KIF13A: variants seen among roughly 807,000 people sequenced by gnomAD.
KIF13A encodes the protein kinesin family member 13A, also known as kinesin-like protein KIF13A.
KIF13A carries 79 observed loss-of-function variants against 212.2 expected under a neutral mutation model. That is an observed-to-expected ratio of 0.37 (90% confidence interval 0.31 to 0.45). The LOEUF is 0.45. KIF13A is among the 20% of genes least tolerant of loss of function. The pLI is 1.00. For synonymous variants in KIF13A, 789 were observed against 808.6 expected (o/e 0.98, Z 0.41); for missense variants, 1,901 against 2,209.0 (o/e 0.86, Z 2.79).
intron 29 of KIF13A, 36 bp from the exon 30 acceptor site, chr6:17,781,337 G>GA (rs767524245): frequency 2.6e-6 from 4 of 1,518,260 alleles, no homozygotes; most frequent in Non-Finnish European, 3.5e-6. Flanking sequence ...AACAGTAGGG[G>GA]AAAGTCAGTT....
chr6:17,876,910 C>T (rs1770612410), intron 3 of KIF13A, among the ~76,000 whole-genome samples: 2 of 152,170 alleles, frequency 1.3e-5, no homozygotes, highest in African/African-American at 2.4e-5. Flanking sequence ...GCTGGGATTA[C>T]AGGCATGAGC....
At chr6:17,949,357 C>T (rs995531647) in intron 2 of KIF13A, among the ~76,000 whole-genome samples, 2 of 152,154 alleles carry the variant, frequency 1.3e-5, no homozygotes, top group Admixed American at 6.5e-5. Context: ...CACAAAAGCC[C>T]TCCTGCTATG....
intron 2 of KIF13A, among the ~76,000 whole-genome samples, chr6:17,974,294 G>T (rs185172443): frequency 5.4e-4 from 82 of 152,248 alleles, no homozygotes; most frequent in African/African-American, 1.8e-3. Context: ...TGGCCAGGCT[G>T]GTCTGGAACT....
chr6:17,775,332 T>C (rs779649283), intron 34 of KIF13A, among the ~76,000 whole-genome samples: 12 of 152,226 alleles, frequency 7.9e-5, no homozygotes, highest in South Asian at 2.1e-4. Context: ...TCTTACTATA[T>C]ATGGTCTTAT....
chr6:17,789,453 G>A lies in KIF13A; in HGVS notation c.3261+419C>T, dbSNP rs1157252482. ...AGGAGCAGAATGCACTTTAGCATGG[G>A]AAAGATAAGAGTCTATCTAAAAGAT... is the stretch of plus-strand genomic sequence containing the variant. On this transcript the variant is annotated intron_variant, in intron 26 of 38. Transcript: ENST00000259711. This position sits in a 1 kb window ranked among gnomAD's most constrained non-coding sequence, Gnocchi z 4.8. Among the ~76,000 whole-genome samples, 1 of 152,120 alleles carries A rather than the reference G, an allele frequency of 6.6e-6. No individual in the cohort carries two copies. Among genetic ancestry groups the A allele is most frequent in the African/African-American group, 2.4e-5 (1 of 41,412 alleles).
At chr6:17,945,860 G>A (rs1360462122) in intron 2 of KIF13A, among the ~76,000 whole-genome samples, 10 of 152,116 alleles carry the variant, frequency 6.6e-5, no homozygotes, top group East Asian at 1.9e-4. Context: ...CAGAAGAGAC[G>A]GCCCTGAAAA....
chr6:17,852,485 C>A (rs1205656491), intron 6 of KIF13A, among the ~76,000 whole-genome samples: 1 of 152,118 alleles, frequency 6.6e-6, no homozygotes, highest in Non-Finnish European at 1.5e-5. Flanking sequence ...AGTAGCATGA[C>A]CCCGGCTTAC....
In KIF13A at chr6:17,937,003, T is replaced by A. The variant is rs146481268; in HGVS notation, c.147-38823A>T. Among the ~76,000 whole-genome samples, 406 of 152,184 alleles carry A rather than the reference T, an allele frequency of 2.7e-3. 3 individuals carry two copies. The highest frequency in any genetic ancestry group is 9.1e-3 in the African/African-American group (378 of 41,530). ...GACTAGCCTGGGCAAGTTGGCAAAA[T>A]CCTGTCTCCACAAAAAATACAAAAA... On this transcript the variant is annotated intron_variant, in intron 2 of 38. Coordinates refer to ENST00000259711, the MANE Select transcript of KIF13A (RefSeq NM_022113.6).
chr6:17,918,951 G>A lies in KIF13A; in HGVS notation c.147-20771C>T, dbSNP rs1774786474. Among the ~76,000 whole-genome samples the A allele has an allele frequency of 6.6e-6, 1 of 152,184 alleles. No individual in the cohort carries two copies. The highest frequency in any genetic ancestry group is 1.5e-5 in the Non-Finnish European group (1 of 68,032). On this transcript the variant is annotated intron_variant, in intron 2 of 38. Transcript: ENST00000259711. This position sits in a 1 kb window ranked among gnomAD's most constrained non-coding sequence, Gnocchi z 4.8. ...GACAGTTATAAGATCCACGGAAAGA[G>A]AGGCTTTGTCTATCTTGTTCTCTGA... is the stretch of plus-strand genomic sequence containing the variant.
At chr6:17,973,117 A>C (rs1425055366) in intron 2 of KIF13A, among the ~76,000 whole-genome samples, 2 of 152,214 alleles carry the variant, frequency 1.3e-5, no homozygotes, top group African/African-American at 4.8e-5. Context: ...AATCCTCAGA[A>C]ACAAAACACG....
rs151190387 is a variant in KIF13A at position 17,927,383 on chromosome 6, T to C, written c.147-29203A>G. The stretch of plus-strand genomic sequence containing the variant: ...CATGCTACAACATGGATGAACATTA[T>C]GCTAAGTGAAATAAGACAGACACAA... On this transcript the variant is annotated intron_variant, in intron 2 of 38. Transcript: ENST00000259711. Among the ~76,000 whole-genome samples, 156 of 152,286 alleles carry C rather than the reference T, an allele frequency of 1.0e-3. 2 individuals carry two copies. The East Asian group carries it at 0.026, about 25-fold the overall frequency.
intron 2 of KIF13A, among the ~76,000 whole-genome samples, chr6:17,931,622 G>C (rs1037261835): frequency 2.0e-5 from 3 of 152,148 alleles, no homozygotes; most frequent in African/African-American, 7.2e-5. Context: ...CTGGACTCAA[G>C]TGATCTTCCT....
rs996034732 is a variant in KIF13A at position 17,855,288 on chromosome 6, T to A, written c.494+149A>T. On this transcript the variant is annotated intron_variant, in intron 6 of 38. Coordinates refer to ENST00000259711, the MANE Select transcript of KIF13A (RefSeq NM_022113.6). This position sits in a 1 kb window ranked among gnomAD's most constrained non-coding sequence, Gnocchi z 4.1. ...TAAACACTGGGTATACCAAAAGGCT[T>A]TGAGAAGCTGATGATTTTTCTGTAA... 14 of 621,864 alleles carry A rather than the reference T, an allele frequency of 2.3e-5. No homozygotes were observed. The highest frequency in any genetic ancestry group is 9.0e-4 in the Middle Eastern group (2 of 2,212). The allele number at this position is 621,864 out of a possible 1,614,324, so 38.5% of individuals were successfully genotyped here.
intron 2 of KIF13A, among the ~76,000 whole-genome samples, chr6:17,985,632 C>CGGGGGG (rs1554128614): frequency 2.9e-4 from 11 of 38,166 alleles, no homozygotes; most frequent in African/African-American, 9.9e-4. Flanking sequence ...ATGCAGTTTG[C>CGGGGGG]GGGGGGGTGG....
rs1777509310 is a variant in KIF13A, at chr6:17,947,545, A to G, written c.146+39509T>C. Among the ~76,000 whole-genome samples the G allele has an allele frequency of 6.6e-6, 1 of 152,096 alleles. No homozygotes were observed. Among genetic ancestry groups the G allele is most frequent in the Non-Finnish European group, 1.5e-5 (1 of 67,998 alleles). On this transcript the variant is annotated intron_variant, in intron 2 of 38. Transcript: ENST00000259711. The surrounding 1 kb of genome is among the most constrained non-coding windows in gnomAD (Gnocchi z 4.6). ...GGTAATAGTCTTAGAAAATACACCAAGAGCTGGGCGTGGTAGCTCACGCCT... is the reference window on the plus strand; with the variant it reads ...GGTAATAGTCTTAGAAAATACACCAGGAGCTGGGCGTGGTAGCTCACGCCT...
In KIF13A at chr6:17,771,998, C is replaced by T; in HGVS notation, c.4386G>A (p.Gln1462=). 6.2e-7 allele frequency: 1 copy of T among 1,613,846 alleles called. No individual in the cohort carries two copies. The highest frequency in any genetic ancestry group is 8.5e-7 in the Non-Finnish European group (1 of 1,179,822). ...TVSPFKAFSP[Q]PPKFFKPLMP... ...TTAGGGGCTTGAAAAACTTTGGTGG[C>T]TGAGGAGAGAATGCTTTAAAAGGGC... Residue 1462 remains glutamine (Q), a synonymous_variant, in exon 37 of 39, where the codon CAG becomes CAA. Transcript: ENST00000259711. This position sits in a 1 kb window ranked among gnomAD's most constrained non-coding sequence, Gnocchi z 5.4.
intron 4 of KIF13A, among the ~76,000 whole-genome samples, chr6:17,868,199 T>C (rs1336305321): frequency 6.6e-6 from 1 of 152,254 alleles, no homozygotes; most frequent in Non-Finnish European, 1.5e-5. Context: ...ACCCCAGATA[T>C]GCCACTACCA....
rs1056559704 is a variant in KIF13A, at chr6:17,826,239, G to A, written c.1533-115C>T. 4 of 722,034 alleles carry A rather than the reference G, an allele frequency of 5.5e-6. No homozygotes were observed. Among genetic ancestry groups the A allele is most frequent in the Non-Finnish European group, 9.5e-6 (4 of 420,960 alleles). The allele number at this position is 722,034 out of a possible 1,614,324, so 44.7% of individuals were successfully genotyped here. A position where few individuals can be genotyped will look rare whatever the true frequency, so the allele number is the denominator to read the frequency against. ...TCTTAATAAATGCATTCCAACTAAC[G>A]CTTAAAGAAGGAAGAGCAGAATGTG... is the stretch of plus-strand genomic sequence containing the variant. On this transcript the variant is annotated intron_variant, in intron 14 of 38. Coordinates refer to ENST00000259711, the MANE Select transcript of KIF13A (RefSeq NM_022113.6). The surrounding 1 kb of genome is among the most constrained non-coding windows in gnomAD (Gnocchi z 4.7).
rs1758713571 is a variant in KIF13A, at chr6:17,763,898, C to T, written c.*212G>A. ...CTGAACACTTCATTCAACACCAACC[C>T]ATGTGCCAGGTAAAAAAATCCACTG... On this transcript the variant is annotated 3_prime_UTR_variant, in exon 39 of 39. Transcript: ENST00000259711. The T allele has an allele frequency of 7.1e-7, 1 of 1,416,056 alleles. No homozygotes were observed. 87.7% of individuals were successfully genotyped at this position (1,416,056 alleles called of 1,614,324 possible).
Sources: allele counts gnomAD v4.1 joint callset (sites outside exome capture counted in the v4.1 genomes callset), GRCh38; gene constraint gnomAD v4.1.1; non-coding constraint Gnocchi (gnomAD v3.1); transcripts MANE v1.5; gene names NCBI Gene and HGNC (gene_info 2026-07-23, HGNC 2026-07-21).